ZNF33A: variants seen among roughly 807,000 people sequenced by gnomAD.
The protein encoded by ZNF33A is brain my041 protein.
In ZNF33A, 9 loss-of-function variants were observed where a neutral mutation model predicts 15.9. That is an observed-to-expected ratio of 0.57 (90% confidence interval 0.34 to 0.99). ZNF33A has a LOEUF of 0.99. Among genes scored for constraint, ZNF33A ranks in the 50% least tolerant of loss-of-function variants. ZNF33A has a pLI of 0.02. For synonymous variants in ZNF33A, 294 were observed against 324.2 expected, an observed-to-expected ratio of 0.91 and a Z score of 1.00; for missense variants, 843 against 941.6, an observed-to-expected ratio of 0.90 and a Z score of 1.37.
intron 4 of ZNF33A, among the ~76,000 whole-genome samples, chr10:38,020,218 CA>C (rs2064674180): frequency 6.6e-6 from 1 of 151,912 alleles, no homozygotes; most frequent in Non-Finnish European, 1.5e-5. Context: ...AAACATAAAA[CA>C]ATTCTAAAAT....
chr10:38,065,972 G>A (rs1209931473), downstream of ZNF33A, among the ~76,000 whole-genome samples: 3 of 151,810 alleles, frequency 2.0e-5, no homozygotes, highest in Admixed American at 1.3e-4. Flanking sequence ...GATTACCGAC[G>A]TGAGCCACTG....
In ZNF33A at chr10:38,051,070, T is replaced by C. The variant is rs1053374400; in HGVS notation, c.251-3305T>C. Among the ~76,000 whole-genome samples, 3 of 143,086 alleles carry C rather than the reference T, an allele frequency of 2.1e-5. No individual in the cohort carries two copies. In the East Asian group the frequency reaches 5.8e-4, roughly 28 times the overall value. 93.9% of individuals were successfully genotyped at this position (143,086 alleles called of 152,430 possible). The stretch of plus-strand genomic sequence containing the variant: ...CAAAGAAGTCAATTTTAAAAATAGT[T>C]TTTTTTTTACATTTGAAAATACAGC... On this transcript the variant is annotated intron_variant, in intron 4 of 4. Transcript: ENST00000432900.
At chr10:38,029,556 T>G (rs2065125505) in intron 4 of ZNF33A, among the ~76,000 whole-genome samples, 3 of 152,224 alleles carry the variant, frequency 2.0e-5, no homozygotes. Flanking sequence ...GGTTGGTTTT[T>G]ATAGTTCTTG....
intron 2 of ZNF33A, 75 bp downstream of exon 2, chr10:38,012,425 G>GGTTTTTTT: frequency 1.9e-6 from 1 of 527,982 alleles, no homozygotes; most frequent in Non-Finnish European, 2.8e-6. Flanking sequence ...TATGGTGTTT[G>GGTTTTTTT]TTTTTTTTTT....
chr10:38,042,618 C>T (rs1424923003), intron 4 of ZNF33A, among the ~76,000 whole-genome samples: 1 of 151,582 alleles, frequency 6.6e-6, no homozygotes, highest in Non-Finnish European at 1.5e-5. Context: ...TGGTAGGATC[C>T]CATCTCATTG....
intron 4 of ZNF33A, among the ~76,000 whole-genome samples, chr10:38,028,490 A>G (rs1420824935): frequency 6.6e-6 from 1 of 150,540 alleles, no homozygotes; most frequent in Non-Finnish European, 1.5e-5. Context: ...TTTTCGAGAC[A>G]AAAGTCTTGC....
At chr10:38,048,390 A>C (rs2066052452) in intron 4 of ZNF33A, among the ~76,000 whole-genome samples, 1 of 152,234 alleles carries the variant, frequency 6.6e-6, no homozygotes, top group Admixed American at 6.5e-5. Flanking sequence ...TACTATTGGA[A>C]GATCCATATA....
intron 1 of ZNF33A, 95 bp from the exon 2 acceptor site, chr10:38,012,203 C>G (rs1258534667): frequency 1.1e-5 from 14 of 1,244,180 alleles, no homozygotes; most frequent in Non-Finnish European, 1.5e-5. Flanking sequence ...AGCATTTTAC[C>G]TAGTGGGTGT....
intron 4 of ZNF33A, among the ~76,000 whole-genome samples, chr10:38,047,830 T>A (rs11816860): frequency 0.027 from 4,131 of 151,998 alleles, 138 homozygotes; most frequent in African/African-American, 0.081. Flanking sequence ...CATCAAACCC[T>A]GAGCACAAGA....
At chr10:38,015,983 ATG>A in intron 2 of ZNF33A, 1 of 1,231,476 alleles carries the variant, frequency 8.1e-7, no homozygotes, top group Non-Finnish European at 1.0e-6. Context: ...TCCCTAAAAG[ATG>A]TGCCCTAGAG....
intron 4 of ZNF33A, among the ~76,000 whole-genome samples, chr10:38,031,705 C>T (rs1178833697): frequency 6.6e-6 from 1 of 152,128 alleles, no homozygotes; most frequent in Non-Finnish European, 1.5e-5. Context: ...TAGCTCACGC[C>T]TATAACCCCA....
intron 4 of ZNF33A, among the ~76,000 whole-genome samples, chr10:38,051,379 G>T (rs572838184): frequency 2.0e-5 from 3 of 152,070 alleles, no homozygotes; most frequent in African/African-American, 7.2e-5. Context: ...TTGTCACAAC[G>T]TATAAAGAAC....
chr10:38,062,963 G>A (rs2505220), downstream of ZNF33A, among the ~76,000 whole-genome samples: 34,348 of 134,680 alleles, frequency 0.26, 4,223 homozygotes, highest in Middle Eastern at 0.35. Context: ...AGATCACGCC[G>A]CTGCACTCCA....
chr10:38,024,336 G>T (rs1350701961), intron 4 of ZNF33A, among the ~76,000 whole-genome samples: 3 of 152,028 alleles, frequency 2.0e-5, no homozygotes, highest in Non-Finnish European at 4.4e-5. Flanking sequence ...AAATTAAATA[G>T]TTTGGTATAA....
chr10:38,055,207 A>C lies in ZNF33A; in HGVS notation c.1083A>C (p.Glu361Asp), dbSNP rs142500047. 1 of 1,614,058 alleles carries C rather than the reference A, an allele frequency of 6.2e-7. No homozygotes were observed. The highest frequency in any genetic ancestry group is 1.3e-5 in the African/African-American group (1 of 74,938). The change falls in exon 5 of 5, where the codon GAA (glutamate) becomes GAC (aspartate). Residue 361 changes from glutamate to aspartate, a missense_variant. Coordinates refer to ENST00000432900, the MANE Select transcript of ZNF33A (RefSeq NM_006954.2). ...HTGQKPFQCN[E>D]CEKAFWDKSN... ...GACAGAAACCCTTTCAATGTAATGAATGTGAAAAAGCTTTCTGGGATAAGT... is the reference window on the plus strand; with the variant it reads ...GACAGAAACCCTTTCAATGTAATGACTGTGAAAAAGCTTTCTGGGATAAGT...
intron 4 of ZNF33A, among the ~76,000 whole-genome samples, chr10:38,029,073 G>A (rs1317033579): frequency 6.6e-6 from 1 of 152,130 alleles, no homozygotes; most frequent in African/African-American, 2.4e-5. Context: ...CCCGCAGGAA[G>A]TAAAAAAATG....
intron 1 of ZNF33A, 149 bp from the exon 2 acceptor site, chr10:38,012,149 C>G (rs1287585338): frequency 4.8e-6 from 3 of 625,066 alleles, no homozygotes; most frequent in Non-Finnish European, 8.2e-6. Flanking sequence ...CATTTCTACC[C>G]CCTATTCCAA....
rs1446732531 is a variant in ZNF33A, at chr10:38,059,163, A to G, written c.*2603A>G. ...AAGCATTTGACAAAATCCAATATCCATTCATGTTAAAACCTCTCAACACAG... is the reference window on the plus strand; with the variant it reads ...AAGCATTTGACAAAATCCAATATCCGTTCATGTTAAAACCTCTCAACACAG... On this transcript the variant is annotated 3_prime_UTR_variant, in exon 5 of 5. Transcript: ENST00000432900. 6.6e-6 allele frequency: 1 copy of G among 152,216 alleles called. No individual in the cohort carries two copies. The highest frequency in any genetic ancestry group is 2.4e-5 in the African/African-American group (1 of 41,458). 9.4% of individuals were successfully genotyped at this position (152,216 alleles called of 1,614,324 possible).
At position 38,047,708 on chromosome 10, in the gene ZNF33A, C is replaced by CGA. The variant is rs537815182; in HGVS notation, c.251-6667_251-6666insGA. 3.9e-4 allele frequency among the ~76,000 whole-genome samples: 53 copies of CGA among 137,404 alleles called. No homozygotes were observed. In the South Asian group the frequency reaches 0.012, roughly 31 times the overall value. The allele number at this position is 137,404 out of a possible 152,430, so 90.1% of individuals were successfully genotyped here. A position where few individuals can be genotyped will look rare whatever the true frequency, so the allele number is the denominator to read the frequency against. ...TAAGAGAACTTCAAGTAGTCTCTAA[C>CGA]ACACATGGAATTGGAGTCTGTAAAA... On this transcript the variant is annotated intron_variant, in intron 4 of 4. Transcript: ENST00000432900.
Sources: allele counts gnomAD v4.1 joint callset (sites outside exome capture counted in the v4.1 genomes callset), GRCh38; gene constraint gnomAD v4.1.1; transcripts MANE v1.5; gene names NCBI Gene and HGNC (gene_info 2026-07-23, HGNC 2026-07-21).